FHIT: variants seen among roughly 807,000 people sequenced by gnomAD.
FHIT encodes the protein fragile histidine triad diadenosine triphosphatase.
In FHIT, 19 loss-of-function variants were observed where a neutral mutation model predicts 17.9. The ratio of observed to expected loss-of-function variants is 1.06; its 90% CI spans 0.74 to 1.56. The LOEUF is 1.56. Among genes scored for constraint, FHIT ranks in the 40% most tolerant of loss-of-function variants. The probability of loss-of-function intolerance (pLI) is 0.00; values close to 1 mark genes in which losing one functional copy is unlikely to be tolerated. For synonymous variants in FHIT, 81 were observed against 69.7 expected (o/e 1.16, Z -0.81); for missense variants, 248 against 189.2 (o/e 1.31, Z -1.82).
chr3:60,212,067 C>T (rs1016919342), intron 5 of FHIT, among the ~76,000 whole-genome samples: 2 of 152,200 alleles, frequency 1.3e-5, no homozygotes, highest in East Asian at 1.9e-4. Context: ...TCACGCCCAG[C>T]ATCGGACCTC....
chr3:60,890,058 A>C (rs1196149728), intron 3 of FHIT, among the ~76,000 whole-genome samples: 1 of 152,092 alleles, frequency 6.6e-6, no homozygotes, highest in African/African-American at 2.4e-5. Context: ...ACATCAGTAA[A>C]ACTATTTTTA....
intron 5 of FHIT, among the ~76,000 whole-genome samples, chr3:60,086,748 T>A (rs961888858): frequency 6.6e-6 from 1 of 152,216 alleles, no homozygotes; most frequent in African/African-American, 2.4e-5. Context: ...GGGCTCCTAA[T>A]GCCTCAGGCA....
intron 5 of FHIT, among the ~76,000 whole-genome samples, chr3:60,458,929 C>G (rs1559931599): frequency 6.7e-6 from 1 of 148,642 alleles, no homozygotes; most frequent in African/African-American, 2.5e-5. Context: ...ATGTACACCA[C>G]CACACCTGGC....
At chr3:61,027,975 C>T (rs538630646) in intron 3 of FHIT, among the ~76,000 whole-genome samples, 1 of 152,294 alleles carries the variant, frequency 6.6e-6, no homozygotes, top group South Asian at 2.1e-4. Flanking sequence ...AGCTGTTAAA[C>T]ATTTACCAGC....
intron 2 of FHIT, among the ~76,000 whole-genome samples, chr3:61,157,644 AGTCATTTGTAGG>A (rs1472792248): frequency 2.0e-5 from 3 of 152,184 alleles, no homozygotes; most frequent in Non-Finnish European, 2.9e-5. Flanking sequence ...AGGGGTGTTT[AGTCATTTGTAGG>A]GTCACAGAAT....
At chr3:60,712,515 C>T (rs1430127524) in intron 4 of FHIT, among the ~76,000 whole-genome samples, 2 of 151,592 alleles carry the variant, frequency 1.3e-5, no homozygotes, top group African/African-American at 2.4e-5. Context: ...CATCAGTGTG[C>T]TGTATTCAGG....
intron 8 of FHIT, among the ~76,000 whole-genome samples, chr3:59,804,951 T>TA (rs1385046109): frequency 6.6e-6 from 1 of 152,126 alleles, no homozygotes; most frequent in Non-Finnish European, 1.5e-5. Context: ...TACCTGTACT[T>TA]ACTTGGTATT....
intron 5 of FHIT, among the ~76,000 whole-genome samples, chr3:60,505,733 G>A (rs933028625): frequency 4.6e-5 from 7 of 152,154 alleles, no homozygotes; most frequent in Admixed American, 3.3e-4. Flanking sequence ...ATCCCCTGCT[G>A]ATTATCTTGG....
At chr3:60,576,674 GTTA>G (rs1553657723) in intron 4 of FHIT, among the ~76,000 whole-genome samples, 1 of 152,086 alleles carries the variant, frequency 6.6e-6, no homozygotes, top group East Asian at 1.9e-4. Context: ...ATGTGAAGAT[GTTA>G]TTATTTCCAA....
intron 2 of FHIT, among the ~76,000 whole-genome samples, chr3:61,105,748 C>A (rs2035971043): frequency 6.6e-6 from 1 of 152,132 alleles, no homozygotes; most frequent in Non-Finnish European, 1.5e-5. Flanking sequence ...GGATCCTTCA[C>A]AACCAGCCTA....
At chr3:61,039,578 T>C (rs941222250) in intron 3 of FHIT, among the ~76,000 whole-genome samples, 1 of 152,070 alleles carries the variant, frequency 6.6e-6, no homozygotes, top group Non-Finnish European at 1.5e-5. Flanking sequence ...CTGGAAACCA[T>C]CATTCTCAGC....
intron 5 of FHIT, among the ~76,000 whole-genome samples, chr3:60,019,938 A>G (rs1453321637): frequency 1.3e-5 from 2 of 152,198 alleles, no homozygotes; most frequent in Non-Finnish European, 2.9e-5. Flanking sequence ...CTTATGGCAG[A>G]ATAATCGACC....
chr3:59,759,974 T>G (rs1487778739), intron 8 of FHIT, among the ~76,000 whole-genome samples: 4 of 152,206 alleles, frequency 2.6e-5, no homozygotes, highest in Non-Finnish European at 5.9e-5. Context: ...GACCTTGGAC[T>G]AAGCACTAGA....
chr3:60,860,669 T>C (rs1352224449), intron 3 of FHIT, among the ~76,000 whole-genome samples: 1 of 102,196 alleles, frequency 9.8e-6, no homozygotes, highest in Non-Finnish European at 1.9e-5. Context: ...GGTATATATG[T>C]ACATATGTAC....
At chr3:59,828,835 A>G (rs1701063886) in intron 8 of FHIT, among the ~76,000 whole-genome samples, 1 of 62,878 alleles carries the variant, frequency 1.6e-5, no homozygotes, top group Admixed American at 2.0e-4. Flanking sequence ...TTTTTAACCA[A>G]TGGTACTCTC....
chr3:60,697,064 G>T (rs782452359), intron 4 of FHIT, among the ~76,000 whole-genome samples: 8 of 152,172 alleles, frequency 5.3e-5, no homozygotes, highest in Non-Finnish European at 1.2e-4. Flanking sequence ...TGTATAATTT[G>T]ATGGAAAGTT....
intron 4 of FHIT, among the ~76,000 whole-genome samples, chr3:60,694,066 G>A (rs1209418726): frequency 1.3e-5 from 2 of 152,192 alleles, no homozygotes; most frequent in East Asian, 3.8e-4. Flanking sequence ...ATAATTACTT[G>A]ATGACATTGG....
At chr3:61,078,921 A>G (rs1364829556) in intron 2 of FHIT, among the ~76,000 whole-genome samples, 1 of 152,200 alleles carries the variant, frequency 6.6e-6, no homozygotes, top group Non-Finnish European at 1.5e-5. Context: ...ATTTTCATAT[A>G]TGAATACAAT....
chr3:60,995,268 C>T (rs1215119960), intron 3 of FHIT, among the ~76,000 whole-genome samples: 2 of 151,970 alleles, frequency 1.3e-5, no homozygotes, highest in Non-Finnish European at 2.9e-5. Context: ...TGCAGTGAGC[C>T]GAGATCGTGC....
Sources: gnomAD v4.1 joint callset for allele counts (sites outside exome capture counted in the v4.1 genomes callset) on GRCh38, gnomAD v4.1.1 for gene constraint, MANE v1.5 for transcripts, NCBI Gene and HGNC (gene_info 2026-07-23, HGNC 2026-07-21) for gene names.